Variants in CDK19 observed in about 807,000 individuals in gnomAD.
CDK19 encodes the protein cyclin dependent kinase 19.
CDK19 carries 20 observed loss-of-function variants against 68.3 expected under a neutral mutation model. The ratio of observed to expected loss-of-function variants is 0.29; its 90% confidence interval spans 0.21 to 0.43. CDK19 has a LOEUF of 0.43. CDK19 is among the 20% of genes least tolerant of loss of function. The probability of loss-of-function intolerance (pLI) is 1.00; values close to 1 mark genes in which losing one functional copy is unlikely to be tolerated. For synonymous variants in CDK19, 221 were observed against 222.8 expected (o/e 0.99, Z 0.07); for missense variants, 339 against 623.5 (o/e 0.54, Z 4.86).
intron 4 of CDK19, among the ~76,000 whole-genome samples, chr6:110,640,717 G>A (rs777599179): frequency 6.6e-6 from 1 of 152,144 alleles, no homozygotes. Context: ...TTGGGAAGTC[G>A]AAGCAGGAGG....
intron 2 of CDK19, among the ~76,000 whole-genome samples, chr6:110,672,830 A>T (rs1337094054): frequency 6.6e-6 from 1 of 152,156 alleles, no homozygotes; most frequent in African/African-American, 2.4e-5. Flanking sequence ...AAATTTTTTT[A>T]AAGAAAAAAA....
intron 2 of CDK19, among the ~76,000 whole-genome samples, chr6:110,723,137 AAAAAAACAAAAAAC>A (rs1176302291): frequency 2.1e-5 from 2 of 95,906 alleles, no homozygotes; most frequent in African/African-American, 5.9e-5. Flanking sequence ...GGCTTTGTCA[AAAAAAACAAAAAAC>A]AAAAAAAAAA....
intron 2 of CDK19, among the ~76,000 whole-genome samples, chr6:110,731,543 A>C (rs1776760328): frequency 6.6e-6 from 1 of 152,230 alleles, no homozygotes; most frequent in South Asian, 2.1e-4. Flanking sequence ...ACGACGTGTG[A>C]AAACACTAAA....
rs554005891 is a variant in CDK19, at chr6:110,737,737, T to C, written c.204+8389A>G. ...TCTTACAAGATTTCATTTTTAAGTA[T>C]AGGAGTTGGCAGAAAGTCTTTATTT... On this transcript the variant is annotated intron_variant, in intron 2 of 12. Coordinates refer to ENST00000368911, the MANE Select transcript of CDK19 (RefSeq NM_015076.5). 6.6e-5 allele frequency among the ~76,000 whole-genome samples: 10 copies of C among 152,316 alleles called. No individual in the cohort carries two copies. The East Asian group carries it at 7.7e-4, about 12-fold the overall frequency.
chr6:110,790,848 G>A (rs1781541488), intron 1 of CDK19, among the ~76,000 whole-genome samples: 1 of 152,064 alleles, frequency 6.6e-6, no homozygotes, highest in African/African-American at 2.4e-5. Flanking sequence ...ACAAATAAAG[G>A]TACATGTATA....
At chr6:110,761,233 C>T (rs1463753416) in intron 1 of CDK19, among the ~76,000 whole-genome samples, 1 of 152,080 alleles carries the variant, frequency 6.6e-6, no homozygotes, top group Non-Finnish European at 1.5e-5. Context: ...CAGGTACATG[C>T]TACCCTGCCC....
Position 110,685,124 on chromosome 6 carries a change from C to A in CDK19, c.205-14583G>T, listed in dbSNP as rs141646977. Among the ~76,000 whole-genome samples the A allele has an allele frequency of 9.2e-5, 14 of 152,120 alleles. No homozygotes were observed. In the East Asian group the frequency reaches 2.7e-3, roughly 29 times the overall value. ...CTGCATTCCAGCCTGGGCGACACAGCGAAACTCTGTCTCAAAAAAAAAGAA... is the reference window on the plus strand; with the variant it reads ...CTGCATTCCAGCCTGGGCGACACAGAGAAACTCTGTCTCAAAAAAAAAGAA... On this transcript the variant is annotated intron_variant, in intron 2 of 12. Coordinates refer to ENST00000368911, the MANE Select transcript of CDK19 (RefSeq NM_015076.5).
chr6:110,700,118 T>A (rs1188659813), intron 2 of CDK19, among the ~76,000 whole-genome samples: 1 of 152,214 alleles, frequency 6.6e-6, no homozygotes, highest in Non-Finnish European at 1.5e-5. Flanking sequence ...GCAAGGGATG[T>A]GGGCTGTGCA....
chr6:110,741,012 T>A (rs952348394), intron 2 of CDK19, among the ~76,000 whole-genome samples: 5 of 151,498 alleles, frequency 3.3e-5, no homozygotes, highest in Non-Finnish European at 1.5e-5. Context: ...CAATTAAGAG[T>A]ATCCAGTCTG....
intron 4 of CDK19, among the ~76,000 whole-genome samples, chr6:110,667,178 C>G (rs964369040): frequency 9.2e-5 from 14 of 152,094 alleles, no homozygotes; most frequent in African/African-American, 3.4e-4. Context: ...TAAAATTGTA[C>G]AGTAATCATT....
intron 1 of CDK19, among the ~76,000 whole-genome samples, chr6:110,781,048 G>C (rs1043778391): frequency 1.3e-5 from 2 of 152,126 alleles, no homozygotes; most frequent in East Asian, 1.9e-4. Context: ...CCAAAAAGTT[G>C]TAAGGACAGA....
At chr6:110,678,965 A>G (rs1771765699) in intron 2 of CDK19, among the ~76,000 whole-genome samples, 1 of 152,154 alleles carries the variant, frequency 6.6e-6, no homozygotes, top group Non-Finnish European at 1.5e-5. Flanking sequence ...TACCTGTTTT[A>G]AAGTTTCTCC....
At chr6:110,750,045 T>C (rs1049671911) in intron 1 of CDK19, among the ~76,000 whole-genome samples, 3 of 145,764 alleles carry the variant, frequency 2.1e-5, no homozygotes, top group Non-Finnish European at 3.0e-5. Flanking sequence ...GCTGGGATTA[T>C]AGGCGTGAGC....
intron 2 of CDK19, among the ~76,000 whole-genome samples, chr6:110,710,629 A>G (rs1774869842): frequency 6.6e-6 from 1 of 152,236 alleles, no homozygotes; most frequent in Non-Finnish European, 1.5e-5. Flanking sequence ...CCACTTCCTC[A>G]GAGACTGCCA....
chr6:110,716,700 A>G (rs1775426612), intron 2 of CDK19, among the ~76,000 whole-genome samples: 1 of 152,208 alleles, frequency 6.6e-6, no homozygotes, highest in Non-Finnish European at 1.5e-5. Context: ...ATATATAGAT[A>G]TAGATATATA....
chr6:110,714,703 C>G (rs1299709797), intron 2 of CDK19, among the ~76,000 whole-genome samples: 1 of 134,710 alleles, frequency 7.4e-6, no homozygotes, highest in Admixed American at 7.4e-5. Context: ...CATATATCTT[C>G]TTTGGAAAAA....
chr6:110,731,105 G>T (rs1776715842), intron 2 of CDK19, among the ~76,000 whole-genome samples: 1 of 143,122 alleles, frequency 7.0e-6, no homozygotes, highest in African/African-American at 2.6e-5. Flanking sequence ...AGAAAGAAAA[G>T]AAAAGAAAGG....
intron 2 of CDK19, among the ~76,000 whole-genome samples, chr6:110,673,793 T>A (rs1771224995): frequency 6.6e-6 from 1 of 152,152 alleles, no homozygotes; most frequent in African/African-American, 2.4e-5. Context: ...TATTTCTAGA[T>A]CACCTCTTTT....
At chr6:110,753,962 T>C (rs1237842662) in intron 1 of CDK19, among the ~76,000 whole-genome samples, 1 of 152,162 alleles carries the variant, frequency 6.6e-6, no homozygotes, top group East Asian at 1.9e-4. Flanking sequence ...AAGTTCAATG[T>C]TGCATTGGTA....
Sources: gnomAD v4.1 joint callset for allele counts (sites outside exome capture counted in the v4.1 genomes callset) on GRCh38, gnomAD v4.1.1 for gene constraint, MANE v1.5 for transcripts, NCBI Gene and HGNC (gene_info 2026-07-23, HGNC 2026-07-21) for gene names.